TRAPPC10: variants seen among roughly 807,000 people sequenced by gnomAD.
The protein encoded by TRAPPC10 is trafficking protein particle complex subunit 10.
A neutral mutation model predicts 125.5 loss-of-function variants in TRAPPC10; 23 were observed. That is an observed-to-expected ratio of 0.18 (90% CI 0.13 to 0.26). TRAPPC10 has a LOEUF of 0.26. TRAPPC10 is among the 10% of genes least tolerant of loss of function. The probability of loss-of-function intolerance (pLI) is 1.00; values close to 1 mark genes in which losing one functional copy is unlikely to be tolerated. For missense variants in TRAPPC10, 1,123 were observed against 1,308.4 expected (o/e 0.86, Z 2.19); for synonymous variants, 509 against 518.0 (o/e 0.98, Z 0.24).
chr21:44,026,623 T>C (rs2256392), intron 1 of TRAPPC10, among the ~76,000 whole-genome samples: 52,673 of 152,200 alleles, frequency 0.35, 13,241 homozygotes, highest in African/African-American at 0.71. Context: ...CTTAAAGAAT[T>C]ATTATTTCTG....
rs1259728059 is a variant in TRAPPC10, at chr21:44,074,381, T to C, written c.1096T>C (p.Leu366=). ...CWVFLSCLEV[L]QRIEGCCDRA... The stretch of plus-strand genomic sequence containing the variant: ...GGTGTTTCTGAGCTGTCTGGAGGTG[T>C]TGCAGAGGATAGAAGGCTGCTGTGA... The change falls in exon 8 of 23, where the codon TTG becomes CTG. Residue 366 remains leucine (L), a synonymous_variant. Transcript: ENST00000291574. 1 of 1,614,202 alleles carries C rather than the reference T, an allele frequency of 6.2e-7. No homozygotes were observed.
At chr21:44,054,766 C>T (rs1196680686) in intron 4 of TRAPPC10, among the ~76,000 whole-genome samples, 1 of 152,156 alleles carries the variant, frequency 6.6e-6, no homozygotes, top group Non-Finnish European at 1.5e-5. Context: ...TTAACCTTCC[C>T]CTTCAAGAGC....
At chr21:44,016,362 T>C (rs1402556532) in intron 1 of TRAPPC10, among the ~76,000 whole-genome samples, 1 of 152,218 alleles carries the variant, frequency 6.6e-6, no homozygotes, top group Non-Finnish European at 1.5e-5. Flanking sequence ...TTAATGTAAT[T>C]CCAGTGATTT....
Position 44,074,471 on chromosome 21 carries a change from G to T in TRAPPC10, c.1185+1G>T. 6.2e-7 allele frequency: 1 copy of T among 1,614,144 alleles called. No homozygotes were observed. Among genetic ancestry groups the T allele is most frequent in the South Asian group, 1.1e-5 (1 of 91,078 alleles). On this transcript the variant is annotated splice_donor_variant, in intron 8 of 22. Transcript: ENST00000291574. LOFTEE classifies it high-confidence loss of function. ...GCTATGGAGCTATGCCACAGAAAAGGTGCCTACCTGCCCAAGTGTGGAATG... is the reference window on the plus strand; with the variant it reads ...GCTATGGAGCTATGCCACAGAAAAGTTGCCTACCTGCCCAAGTGTGGAATG...
intron 15 of TRAPPC10, among the ~76,000 whole-genome samples, chr21:44,085,737 G>C (rs559998245): frequency 9.2e-5 from 14 of 152,216 alleles, no homozygotes; most frequent in East Asian, 1.9e-4. Context: ...CCTTTGAAAG[G>C]GTTGATTAAA....
intron 3 of TRAPPC10, among the ~76,000 whole-genome samples, chr21:44,048,244 G>A (rs1463517199): frequency 6.6e-6 from 1 of 152,172 alleles, no homozygotes. Flanking sequence ...ACAGTCCTAG[G>A]AAGTCTAGCT....
At chr21:44,060,192 T>G (rs772386917) in intron 6 of TRAPPC10, 12 of 152,100 alleles carry the variant, frequency 7.9e-5, no homozygotes, top group African/African-American at 2.9e-4. Flanking sequence ...GAGATGCCAG[T>G]ATAGACACAG....
rs965085008 is a variant in TRAPPC10, at chr21:44,082,332, C to T, written c.1724-456C>T. ...GGGGCACAGAGGGGTCCTGCTTAAT[C>T]GGCTGACTTTGTAGACTGGCAGACA... is the stretch of plus-strand genomic sequence containing the variant. On this transcript the variant is annotated intron_variant, in intron 13 of 22. Coordinates refer to ENST00000291574, the MANE Select transcript of TRAPPC10 (RefSeq NM_003274.5). This position sits in a 1 kb window ranked among gnomAD's most constrained non-coding sequence, Gnocchi z 4.4. Among the ~76,000 whole-genome samples, 3 of 152,148 alleles carry T rather than the reference C, an allele frequency of 2.0e-5. No individual in the cohort carries two copies. Among genetic ancestry groups the T allele is most frequent in the East Asian group, 3.9e-4 (2 of 5,190 alleles).
chr21:44,021,027 A>G (rs1364588392), intron 1 of TRAPPC10, among the ~76,000 whole-genome samples: 1 of 152,226 alleles, frequency 6.6e-6, no homozygotes, highest in Non-Finnish European at 1.5e-5. Context: ...CCTTTGCCAT[A>G]TAATTAAATA....
intron 7 of TRAPPC10, among the ~76,000 whole-genome samples, chr21:44,067,524 A>G (rs2036539778): frequency 6.6e-6 from 1 of 152,162 alleles, no homozygotes; most frequent in South Asian, 2.1e-4. Context: ...TCACTGGACA[A>G]AAGGAAAGAG....
intron 7 of TRAPPC10, among the ~76,000 whole-genome samples, chr21:44,064,082 C>G: frequency 6.6e-6 from 1 of 152,188 alleles, no homozygotes; most frequent in East Asian, 1.9e-4. Flanking sequence ...TGAGCTGTCT[C>G]CACGGGGAAG....
chr21:44,046,828 A>C, intron 3 of TRAPPC10: 3 of 631,124 alleles, frequency 4.8e-6, no homozygotes, highest in Non-Finnish European at 8.9e-6. Flanking sequence ...CTTTTGATGC[A>C]TTTCCTGCCA....
intron 3 of TRAPPC10, among the ~76,000 whole-genome samples, chr21:44,045,670 G>T (rs1454144481): frequency 6.6e-6 from 1 of 151,902 alleles, no homozygotes; most frequent in Non-Finnish European, 1.5e-5. Context: ...TCCTGCCTCA[G>T]CCTCCTGAGT....
intron 7 of TRAPPC10, among the ~76,000 whole-genome samples, chr21:44,066,809 C>T (rs535989067): frequency 2.0e-5 from 3 of 152,246 alleles, no homozygotes; most frequent in African/African-American, 7.2e-5. Context: ...ATTGGAAGGT[C>T]GAAGATAGAC....
rs1233208092 is a variant in TRAPPC10 at position 44,087,714 on chromosome 21, C to G, written c.2555C>G (p.Ala852Gly). ...TCCTTCGTAGAACAGTCTTCTGAGG[C>G]CGCGCTCCGGATTCAGTCCTCCGAC... is the stretch of plus-strand genomic sequence containing the variant. ...YSNTREQSSE[A>G]ALRIQSSDKV... The change falls in exon 17 of 23, where the codon GCC becomes GGC. Residue 852 changes from alanine to glycine, a missense_variant. This residue lies in a region of TRAPPC10 where 840 missense variants were observed against 902.0 expected (regional missense o/e 0.93). Transcript: ENST00000291574. This position sits in a 1 kb window ranked among gnomAD's most constrained non-coding sequence, Gnocchi z 4.6. 1 of 1,613,770 alleles carries G rather than the reference C, an allele frequency of 6.2e-7. No homozygotes were observed. Among genetic ancestry groups the G allele is most frequent in the East Asian group, 2.2e-5 (1 of 44,886 alleles).
chr21:44,025,260 G>T (rs549477711), intron 1 of TRAPPC10, among the ~76,000 whole-genome samples: 2 of 152,176 alleles, frequency 1.3e-5, no homozygotes, highest in Non-Finnish European at 2.9e-5. Context: ...TGTAGGCCTC[G>T]CTGAGAAGCC....
At chr21:44,064,264 A>G (rs1454256184) in intron 7 of TRAPPC10, among the ~76,000 whole-genome samples, 1 of 151,978 alleles carries the variant, frequency 6.6e-6, no homozygotes, top group Non-Finnish European at 1.5e-5. Flanking sequence ...TGCCCCATTG[A>G]TTAGTAGTAC....
intron 7 of TRAPPC10, 39 bp from the exon 8 acceptor site, chr21:44,074,285 C>T (rs200239699): frequency 1.2e-4 from 189 of 1,611,944 alleles, no homozygotes; most frequent in Non-Finnish European, 1.5e-4. Context: ...AGAGCTGTCC[C>T]GGAGCACCCC....
At chr21:44,073,594 T>C (rs939774121) in intron 7 of TRAPPC10, among the ~76,000 whole-genome samples, 1 of 152,156 alleles carries the variant, frequency 6.6e-6, no homozygotes, top group Non-Finnish European at 1.5e-5. Context: ...ATAATTCCCA[T>C]GTAGGACCCA....
Sources: gnomAD v4.1 joint callset for allele counts (sites outside exome capture counted in the v4.1 genomes callset) on GRCh38, gnomAD v4.1.1 for gene constraint, gnomAD v4.1.1 regional missense constraint, Gnocchi (gnomAD v3.1) non-coding constraint, MANE v1.5 for transcripts, NCBI Gene and HGNC (gene_info 2026-07-23, HGNC 2026-07-21) for gene names.